WASL: variants seen among roughly 807,000 people sequenced by gnomAD.
WASL encodes the protein actin nucleation-promoting factor WASL.
Under a neutral mutation model 55.5 loss-of-function variants are expected in WASL, and 20 were observed. The observed-to-expected ratio is 0.36, with a 90% CI of 0.25 to 0.52. The LOEUF is 0.52. WASL is among the 20% of genes least tolerant of loss of function. The probability of loss-of-function intolerance (pLI) is 0.92; values close to 1 mark genes in which losing one functional copy is unlikely to be tolerated. For synonymous variants in WASL, 249 were observed against 217.6 expected (o/e 1.14, Z -1.27); for missense variants, 504 against 622.5 (o/e 0.81, Z 2.03).
At chr7:123,734,591 T>TAA (rs71161498) in intron 1 of WASL, among the ~76,000 whole-genome samples, 17,024 of 92,200 alleles carry the variant, frequency 0.18, 1,891 homozygotes, top group East Asian at 0.39. Flanking sequence ...ATAGAAAATG[T>TAA]AAAAAAAAAA....
rs1373820090 is a variant in WASL, at chr7:123,692,606, G to A, written c.1088C>T (p.Pro363Leu). The A allele has an allele frequency of 2.5e-6, 4 of 1,604,750 alleles. No homozygotes were observed. The highest frequency in any genetic ancestry group is 3.4e-6 in the Non-Finnish European group (4 of 1,175,642). ...SAPSGPPPPP[P>L]SVLGVGPVAP... The stretch of plus-strand genomic sequence containing the variant: ...CACTGGCCCTACCCCCAACACAGAT[G>A]GAGGTGGTGGTGGAGGCCCTGAAGG... The change falls in exon 9 of 11, where the codon CCA (proline) becomes CTA (leucine). Residue 363 changes from proline to leucine, a missense_variant. Physicochemically the swap from Pro to Leu is moderately conservative, Grantham distance 98. This residue lies in a region of WASL where 201 missense variants were observed against 206.2 expected (regional missense o/e 0.97). Coordinates refer to ENST00000223023, the MANE Select transcript of WASL (RefSeq NM_003941.4).
chr7:123,719,253 T>C (rs958934004), intron 1 of WASL, among the ~76,000 whole-genome samples: 6 of 152,228 alleles, frequency 3.9e-5, no homozygotes, highest in African/African-American at 9.6e-5. Context: ...TGCAGCCTCA[T>C]TGTCATCTAC....
chr7:123,723,228 T>C (rs538510065), intron 1 of WASL, among the ~76,000 whole-genome samples: 18 of 152,368 alleles, frequency 1.2e-4, no homozygotes, highest in Admixed American at 1.0e-3. Flanking sequence ...TTTAAGGCTC[T>C]ATTACTAGCC....
At chr7:123,733,692 G>C (rs983610512) in intron 1 of WASL, among the ~76,000 whole-genome samples, 1 of 152,042 alleles carries the variant, frequency 6.6e-6, no homozygotes, top group Non-Finnish European at 1.5e-5. Context: ...TAACATCAGA[G>C]GACTGACACT....
chr7:123,743,253 C>T lies in WASL; in HGVS notation c.117+5365G>A, dbSNP rs558133973. 8.6e-4 allele frequency among the ~76,000 whole-genome samples: 129 copies of T among 150,630 alleles called. 2 individuals carry two copies. The highest frequency in any genetic ancestry group is 8.2e-3 in the South Asian group (39 of 4,780). On this transcript the variant is annotated intron_variant, in intron 1 of 10. Coordinates refer to ENST00000223023, the MANE Select transcript of WASL (RefSeq NM_003941.4). ...TTGGGAGGCTGAGGGAGGAGAATAA[C>T]TTGAACCTGGGAGGCCGAGGTTGCA...
In WASL at chr7:123,696,562, CAAAAGAACTGT is replaced by C; in HGVS notation, c.629+6_629+16del. ...AAATCAAAAGTGAAGATAAGAACAA[CAAAAGAACTGT>C]CTTACTGGAAATTGCTTGGTGTTCC... On this transcript the variant is annotated splice_donor_region_variant and intron_variant, in intron 6 of 10. Transcript: ENST00000223023. 1 of 1,541,670 alleles carries C rather than the reference CAAAAGAACTGT, an allele frequency of 6.5e-7. No homozygotes were observed.
intron 1 of WASL, among the ~76,000 whole-genome samples, chr7:123,709,483 G>T (rs1176816443): frequency 1.3e-5 from 2 of 152,090 alleles, no homozygotes; most frequent in African/African-American, 4.8e-5. Context: ...AAATGTGTTA[G>T]GAAATGTGTT....
intron 1 of WASL, among the ~76,000 whole-genome samples, chr7:123,732,159 C>G (rs1479805485): frequency 1.3e-5 from 2 of 151,944 alleles, no homozygotes; most frequent in African/African-American, 4.8e-5. Flanking sequence ...AACCCCGTCT[C>G]TACTAAAAAT....
intron 5 of WASL, among the ~76,000 whole-genome samples, chr7:123,697,365 C>T (rs1324611557): frequency 6.6e-6 from 1 of 152,102 alleles, no homozygotes; most frequent in Non-Finnish European, 1.5e-5. Flanking sequence ...GTGCAAGAAT[C>T]AACAGTAAAA....
At chr7:123,717,186 C>T (rs138359370) in intron 1 of WASL, among the ~76,000 whole-genome samples, 7 of 151,492 alleles carry the variant, frequency 4.6e-5, no homozygotes, top group Admixed American at 4.6e-4. Context: ...ATTGCTGGTG[C>T]ATGAGAAAAA....
intron 1 of WASL, among the ~76,000 whole-genome samples, chr7:123,725,190 G>C (rs2116809025): frequency 6.6e-6 from 1 of 152,216 alleles, no homozygotes; most frequent in Admixed American, 6.5e-5. Flanking sequence ...ACAATTTTGT[G>C]GTTTTCAAGA....
intron 1 of WASL, among the ~76,000 whole-genome samples, chr7:123,744,313 A>G (rs560837494): frequency 1.3e-5 from 2 of 152,370 alleles, no homozygotes; most frequent in South Asian, 2.1e-4. Context: ...CAACCTAATC[A>G]AGCAATAAGA....
intron 2 of WASL, 83 bp downstream of exon 2, chr7:123,709,006 A>G: frequency 7.7e-7 from 1 of 1,296,702 alleles, no homozygotes. Flanking sequence ...TATCACATAT[A>G]GGATAAACAA....
intron 1 of WASL, among the ~76,000 whole-genome samples, chr7:123,709,585 A>G (rs1283765143): frequency 6.6e-6 from 1 of 152,220 alleles, no homozygotes; most frequent in African/African-American, 2.4e-5. Flanking sequence ...AATTTGCCCA[A>G]TACCACACAG....
At chr7:123,704,577 C>T in intron 5 of WASL, 57 bp downstream of exon 5, 2 of 1,370,816 alleles carry the variant, frequency 1.5e-6, no homozygotes, top group Middle Eastern at 1.9e-4. Context: ...CATGTTTCCA[C>T]AAGGATTAAA....
chr7:123,725,520 A>G (rs1403997128), intron 1 of WASL, among the ~76,000 whole-genome samples: 1 of 152,178 alleles, frequency 6.6e-6, no homozygotes, highest in African/African-American at 2.4e-5. Context: ...AAAAAAAACA[A>G]TTTCTTGAAA....
chr7:123,726,821 G>A (rs548307118), intron 1 of WASL, among the ~76,000 whole-genome samples: 16 of 152,206 alleles, frequency 1.1e-4, no homozygotes, highest in Middle Eastern at 3.4e-3. Context: ...AGCCAAGAAT[G>A]CACCACTGCA....
chr7:123,737,294 T>TA (rs1466934052), intron 1 of WASL, among the ~76,000 whole-genome samples: 4 of 152,120 alleles, frequency 2.6e-5, no homozygotes, highest in Non-Finnish European at 5.9e-5. Flanking sequence ...TGTAATTTAG[T>TA]AAATTATAAA....
chr7:123,748,849 T>A lies in WASL; in HGVS notation c.-115A>T. ...GAAGTGGAGTCAGAGGCGCCACATC[T>A]CGCAGCTCCTCCGGAGCGGGGAGGA... On this transcript the variant is annotated 5_prime_UTR_variant, in exon 1 of 11. Transcript: ENST00000223023. 1 of 816,380 alleles carries A rather than the reference T, an allele frequency of 1.2e-6. No homozygotes were observed. The highest frequency in any genetic ancestry group is 1.8e-5 in the South Asian group (1 of 55,336). 50.6% of individuals were successfully genotyped at this position (816,380 alleles called of 1,614,324 possible). A position where few individuals can be genotyped will look rare whatever the true frequency, so the allele number is the denominator to read the frequency against.
Sources: allele counts gnomAD v4.1 joint callset (sites outside exome capture counted in the v4.1 genomes callset), GRCh38; gene constraint gnomAD v4.1.1; regional missense constraint gnomAD v4.1.1; transcripts MANE v1.5; gene names NCBI Gene and HGNC (gene_info 2026-07-23, HGNC 2026-07-21).